Variants in ANGPT1 observed in about 807,000 individuals in gnomAD.
The protein encoded by ANGPT1 is angiopoietin-1.
ANGPT1 carries 17 observed loss-of-function variants against 62.2 expected under a neutral mutation model. The observed-to-expected ratio is 0.27, with a 90% CI of 0.19 to 0.41. The LOEUF is 0.41. Ranked by LOEUF, ANGPT1 falls within the 10% of genes least tolerant of loss-of-function variation. ANGPT1 has a pLI of 1.00. For missense variants in ANGPT1, 478 were observed against 594.9 expected, an observed-to-expected ratio of 0.80 and a Z score of 2.04; for synonymous variants, 199 against 198.9, an observed-to-expected ratio of 1.00 and a Z score of 0.00.
intron 1 of ANGPT1, among the ~76,000 whole-genome samples, chr8:107,477,833 C>A (rs969149886): frequency 6.6e-6 from 1 of 152,072 alleles, no homozygotes; most frequent in Non-Finnish European, 1.5e-5. Flanking sequence ...TTTTGGACTA[C>A]CCCGACCCAA....
intron 1 of ANGPT1, among the ~76,000 whole-genome samples, chr8:107,451,298 A>G (rs1174046752): frequency 7.5e-6 from 1 of 133,396 alleles, no homozygotes; most frequent in Non-Finnish European, 1.6e-5. Context: ...ACACTTATAC[A>G]CTAATACATA....
intron 5 of ANGPT1, among the ~76,000 whole-genome samples, chr8:107,302,471 TTA>T (rs1814615497): frequency 6.6e-6 from 1 of 151,960 alleles, no homozygotes; most frequent in Non-Finnish European, 1.5e-5. Flanking sequence ...ATCACTATAC[TTA>T]TTGACAGCAT....
chr8:107,335,923 G>A (rs1174314956), intron 3 of ANGPT1, among the ~76,000 whole-genome samples: 1 of 152,096 alleles, frequency 6.6e-6, no homozygotes, highest in Non-Finnish European at 1.5e-5. Flanking sequence ...AATGCTAAAA[G>A]TTATATAAAG....
chr8:107,359,384 A>G (rs1013099623), intron 1 of ANGPT1, among the ~76,000 whole-genome samples: 1 of 152,132 alleles, frequency 6.6e-6, no homozygotes, highest in Admixed American at 6.6e-5. Flanking sequence ...ATATCTCAAG[A>G]ATCTGAATGA....
chr8:107,291,319 C>G (rs903075072), intron 6 of ANGPT1, among the ~76,000 whole-genome samples: 1 of 152,130 alleles, frequency 6.6e-6, no homozygotes, highest in Non-Finnish European at 1.5e-5. Context: ...TATCATTGTC[C>G]TATTTTAACT....
chr8:107,324,758 C>T (rs543505358), intron 3 of ANGPT1, among the ~76,000 whole-genome samples: 1 of 152,114 alleles, frequency 6.6e-6, no homozygotes, highest in Admixed American at 6.6e-5. Context: ...TTTATAATAC[C>T]TTTAGTAGTG....
At chr8:107,336,715 A>G (rs1815577881) in intron 2 of ANGPT1, among the ~76,000 whole-genome samples, 1 of 151,576 alleles carries the variant, frequency 6.6e-6, no homozygotes, top group Non-Finnish European at 1.5e-5. Flanking sequence ...ATATTCTACC[A>G]ACTAATGTTT....
chr8:107,400,828 G>A (rs1817033075), intron 1 of ANGPT1, among the ~76,000 whole-genome samples: 1 of 151,910 alleles, frequency 6.6e-6, no homozygotes, highest in South Asian at 2.1e-4. Context: ...CCAAAGTGCT[G>A]GGATTACAAG....
intron 4 of ANGPT1, among the ~76,000 whole-genome samples, chr8:107,316,976 G>T (rs1425119996): frequency 6.6e-6 from 1 of 152,176 alleles, no homozygotes; most frequent in African/African-American, 2.4e-5. Flanking sequence ...TGTTGCTGTT[G>T]TAAGGGCTAA....
intron 1 of ANGPT1, among the ~76,000 whole-genome samples, chr8:107,496,232 T>A (rs1052744638): frequency 6.6e-6 from 1 of 152,192 alleles, no homozygotes; most frequent in African/African-American, 2.4e-5. Flanking sequence ...AGACATTGCC[T>A]CCCTTCTAGT....
intron 1 of ANGPT1, among the ~76,000 whole-genome samples, chr8:107,460,370 A>G (rs763079500): frequency 1.3e-5 from 2 of 152,180 alleles, no homozygotes; most frequent in Non-Finnish European, 2.9e-5. Flanking sequence ...GAGAATTAAA[A>G]AAGAAAAGGC....
intron 5 of ANGPT1, among the ~76,000 whole-genome samples, chr8:107,301,040 T>C (rs753884094): frequency 4.0e-5 from 6 of 151,898 alleles, no homozygotes; most frequent in Non-Finnish European, 8.8e-5. Context: ...TCTCATAATG[T>C]TTCAAACTAG....
intron 1 of ANGPT1, among the ~76,000 whole-genome samples, chr8:107,444,726 C>A (rs1357343805): frequency 1.3e-5 from 2 of 152,044 alleles, no homozygotes; most frequent in African/African-American, 4.8e-5. Context: ...TTTATTACTT[C>A]ACAATGATGA....
intron 1 of ANGPT1, among the ~76,000 whole-genome samples, chr8:107,446,291 T>G (rs1489191210): frequency 6.6e-6 from 1 of 152,224 alleles, no homozygotes; most frequent in Non-Finnish European, 1.5e-5. Context: ...TGTCAGATTT[T>G]TATATATTTT....
At chr8:107,311,019 G>A (rs1409682663) in intron 4 of ANGPT1, among the ~76,000 whole-genome samples, 1 of 151,106 alleles carries the variant, frequency 6.6e-6, no homozygotes, top group African/African-American at 2.4e-5. Context: ...GTATGTATGT[G>A]AGTGTGTGTG....
At chr8:107,422,559 T>C (rs1193800577) in intron 1 of ANGPT1, among the ~76,000 whole-genome samples, 1 of 152,214 alleles carries the variant, frequency 6.6e-6, no homozygotes, top group Non-Finnish European at 1.5e-5. Flanking sequence ...TTGGAAATCT[T>C]GGTTCGTGGC....
chr8:107,391,738 C>T (rs933682683), intron 1 of ANGPT1, among the ~76,000 whole-genome samples: 2 of 152,164 alleles, frequency 1.3e-5, no homozygotes, highest in Non-Finnish European at 2.9e-5. Context: ...GCCTAGTATA[C>T]ACCTAGGCTG....
intron 6 of ANGPT1, among the ~76,000 whole-genome samples, chr8:107,286,446 T>C (rs948438982): frequency 1.3e-5 from 2 of 152,118 alleles, no homozygotes; most frequent in African/African-American, 4.8e-5. Context: ...TCATGTACTG[T>C]TCTATTTTTA....
intron 7 of ANGPT1, among the ~76,000 whole-genome samples, chr8:107,278,785 A>G (rs1249545757): frequency 6.6e-6 from 1 of 152,212 alleles, no homozygotes; most frequent in Admixed American, 6.5e-5. Flanking sequence ...GCACAACCTC[A>G]TTTAATGGAA....
Sources: gnomAD v4.1 joint callset for allele counts (sites outside exome capture counted in the v4.1 genomes callset) on GRCh38, gnomAD v4.1.1 for gene constraint, MANE v1.5 for transcripts, NCBI Gene and HGNC (gene_info 2026-07-23, HGNC 2026-07-21) for gene names.